Variants in ATP13A3 observed in about 807,000 individuals in gnomAD.
The protein encoded by ATP13A3 is polyamine-transporting ATPase 13A3.
Under a neutral mutation model 158.1 loss-of-function variants are expected in ATP13A3, and 59 were observed. The observed-to-expected ratio is 0.37, with a 90% CI of 0.30 to 0.46. The LOEUF (loss-of-function observed/expected upper bound fraction) is 0.46, where lower values mean the gene tolerates loss of function less well. Ranked by LOEUF, ATP13A3 falls within the 20% of genes least tolerant of loss-of-function variation. The pLI is 1.00. For missense variants in ATP13A3, 1,166 were observed against 1,525.2 expected (o/e 0.76, Z 3.92); for synonymous variants, 491 against 504.3 (o/e 0.97, Z 0.35).
chr3:194,406,028 G>T lies in ATP13A3; in HGVS notation c.3662C>A (p.Ala1221Glu), dbSNP rs773710020. Reference protein sequence around the residue: ...KTPKAKYMYLAQELLVDPEWP... With the variant: ...KTPKAKYMYLEQELLVDPEWP... ...TTCTGGATCAACCAAGAGCTCCTGC[G>T]CCAGATACATGTACTTTGCCTTTGG... The change falls in exon 34 of 34, where the codon GCG becomes GAG. Residue 1221 changes from alanine to glutamate, a missense_variant. By Grantham distance (107) the Ala-to-Glu change is moderately radical. This residue lies in a region of ATP13A3 where 997 missense variants were observed against 1,341.2 expected (regional missense o/e 0.74). Coordinates refer to ENST00000645319, the MANE Select transcript of ATP13A3 (RefSeq NM_001367549.1). 2 of 1,614,008 alleles carry T rather than the reference G, an allele frequency of 1.2e-6. No individual in the cohort carries two copies. The highest frequency in any genetic ancestry group is 8.5e-7 in the Non-Finnish European group (1 of 1,180,028).
intron 10 of ATP13A3, chr3:194,450,557 C>T (rs1477141611): frequency 2.8e-6 from 1 of 354,016 alleles, no homozygotes; most frequent in Non-Finnish European, 5.4e-6. Flanking sequence ...TCATGACAAC[C>T]GTCCATGATA....
At chr3:194,436,961 C>T (rs1292462282) in intron 20 of ATP13A3, 134 bp downstream of exon 20, 3 of 1,183,670 alleles carry the variant, frequency 2.5e-6, no homozygotes, top group Non-Finnish European at 3.5e-6. Flanking sequence ...TTACTTCAAT[C>T]ACCTAAAACA....
In ATP13A3 at chr3:194,412,183, A is replaced by G; in HGVS notation, c.3573+16T>C. ...AGAGAGGCAGCAAGAATTGACAGGA[A>G]GTGCTGAGTTCCAACCTGCGGTGGC... On this transcript the variant is annotated intron_variant, in intron 33 of 33. Coordinates refer to ENST00000645319, the MANE Select transcript of ATP13A3 (RefSeq NM_001367549.1). 1 of 1,531,872 alleles carries G rather than the reference A, an allele frequency of 6.5e-7. No individual in the cohort carries two copies. Among genetic ancestry groups the G allele is most frequent in the Non-Finnish European group, 8.7e-7 (1 of 1,142,948 alleles). The allele number at this position is 1,531,872 out of a possible 1,614,324, so 94.9% of individuals were successfully genotyped here.
At chr3:194,458,135 G>GA (rs1340372231) in intron 6 of ATP13A3, among the ~76,000 whole-genome samples, 1 of 152,126 alleles carries the variant, frequency 6.6e-6, no homozygotes, top group African/African-American at 2.4e-5. Flanking sequence ...CTAAAGCAAA[G>GA]AAAGTCTTAC....
In ATP13A3 at chr3:194,470,654, G is replaced by A. The variant is rs146312331; in HGVS notation, c.-46-8418C>T. 9.2e-5 allele frequency among the ~76,000 whole-genome samples: 14 copies of A among 152,208 alleles called. No individual in the cohort carries two copies. The East Asian group carries it at 1.5e-3, about 17-fold the overall frequency. Reference sequence around the variant, plus strand: ...TTGCATTCTCAAAATGTCCACTTACGTCACTGAGAGATTTTCTATTTCAAT... The same window carrying A: ...TTGCATTCTCAAAATGTCCACTTACATCACTGAGAGATTTTCTATTTCAAT... On this transcript the variant is annotated intron_variant, in intron 2 of 33. Coordinates refer to ENST00000645319, the MANE Select transcript of ATP13A3 (RefSeq NM_001367549.1).
At chr3:194,470,743 CTT>C (rs1344670228) in intron 2 of ATP13A3, among the ~76,000 whole-genome samples, 1 of 152,102 alleles carries the variant, frequency 6.6e-6, no homozygotes, top group African/African-American at 2.4e-5. Flanking sequence ...AAGTATGTAA[CTT>C]TTTAAAATTC....
intron 2 of ATP13A3, among the ~76,000 whole-genome samples, chr3:194,465,138 T>C (rs1445260318): frequency 6.6e-6 from 1 of 151,924 alleles, no homozygotes; most frequent in African/African-American, 2.4e-5. Context: ...AACTGATAAT[T>C]GAGAGATTAA....
chr3:194,421,280 A>G (rs557217828), intron 30 of ATP13A3, among the ~76,000 whole-genome samples: 5 of 144,908 alleles, frequency 3.5e-5, no homozygotes, highest in Admixed American at 2.1e-4. Context: ...GGGGCTGGGC[A>G]CGGTGGCTCA....
In ATP13A3 at chr3:194,429,487, G is replaced by A. The variant is rs117832879; in HGVS notation, c.2874+191C>T. On this transcript the variant is annotated intron_variant, in intron 27 of 33. Coordinates refer to ENST00000645319, the MANE Select transcript of ATP13A3 (RefSeq NM_001367549.1). ...CATTCTCCAAATTCAACAAACCACTGTTGAAACATCTTTTCTCATTTTAAC... is the reference window on the plus strand; with the variant it reads ...CATTCTCCAAATTCAACAAACCACTATTGAAACATCTTTTCTCATTTTAAC... Among the ~76,000 whole-genome samples, 175 of 152,246 alleles carry A rather than the reference G, an allele frequency of 1.1e-3. 1 individual carries two copies. The East Asian group carries it at 0.03, about 26-fold the overall frequency.
At chr3:194,456,943 C>G in intron 7 of ATP13A3, 151 bp downstream of exon 7, 1 of 471,334 alleles carries the variant, frequency 2.1e-6, no homozygotes, top group Non-Finnish European at 3.8e-6. Context: ...GACAGTCTTA[C>G]CCAAATAAAA....
chr3:194,455,332 C>T (rs1333796626), intron 8 of ATP13A3, among the ~76,000 whole-genome samples: 2 of 152,248 alleles, frequency 1.3e-5, no homozygotes, highest in South Asian at 2.1e-4. Flanking sequence ...CAAATTGATG[C>T]TTCTGTACTT....
intron 10 of ATP13A3, chr3:194,450,995 T>C (rs1225881597): frequency 1.3e-5 from 2 of 152,240 alleles, no homozygotes; most frequent in Non-Finnish European, 2.9e-5. Flanking sequence ...GGTCACCTTA[T>C]ATGTAGGTAT....
chr3:194,473,032 T>C (rs1445003163), intron 2 of ATP13A3, among the ~76,000 whole-genome samples: 21 of 152,152 alleles, frequency 1.4e-4, no homozygotes, highest in Admixed American at 1.0e-3. Flanking sequence ...AGGGTACCTA[T>C]TGGGTACTCT....
At chr3:194,406,814 T>C (rs1367405887) in intron 33 of ATP13A3, among the ~76,000 whole-genome samples, 1 of 152,182 alleles carries the variant, frequency 6.6e-6, no homozygotes. Flanking sequence ...TCATGTTTAA[T>C]GTCAATTACG....
At chr3:194,492,388 C>T (rs1257562270) in intron 2 of ATP13A3, among the ~76,000 whole-genome samples, 2 of 152,042 alleles carry the variant, frequency 1.3e-5, no homozygotes, top group Non-Finnish European at 2.9e-5. Context: ...ATACCAAAAT[C>T]CAAAAATACT....
In ATP13A3 at chr3:194,456,030, T is replaced by C. The variant is rs1029494351; in HGVS notation, c.561-68A>G. 3 of 992,382 alleles carry C rather than the reference T, an allele frequency of 3.0e-6. No homozygotes were observed. In the African/African-American group the frequency reaches 5.1e-5, roughly 17 times the overall value. The allele number at this position is 992,382 out of a possible 1,614,324, so 61.5% of individuals were successfully genotyped here. A position where few individuals can be genotyped will look rare whatever the true frequency, so the allele number is the denominator to read the frequency against. On this transcript the variant is annotated intron_variant, in intron 7 of 33. Transcript: ENST00000645319. Reference sequence around the variant, plus strand: ...ATAGTATAATTTACGAAAGGCATTGTATTAGGTAAGGCTTAAACCACAGAC... The same window carrying C: ...ATAGTATAATTTACGAAAGGCATTGCATTAGGTAAGGCTTAAACCACAGAC...
intron 2 of ATP13A3, among the ~76,000 whole-genome samples, chr3:194,470,573 CTCTT>C (rs1402673943): frequency 6.6e-6 from 1 of 152,044 alleles, no homozygotes; most frequent in African/African-American, 2.4e-5. Context: ...ATTTTACTCT[CTCTT>C]TATAAAAAAA....
At chr3:194,426,994 A>C (rs1716826999) in intron 29 of ATP13A3, 81 bp downstream of exon 29, 19 of 1,478,576 alleles carry the variant, frequency 1.3e-5, no homozygotes, top group Admixed American at 4.5e-5. Flanking sequence ...ACAAACTTTT[A>C]TATTAACTTC....
chr3:194,447,455 C>T (rs1190051810), intron 13 of ATP13A3, among the ~76,000 whole-genome samples: 1 of 152,132 alleles, frequency 6.6e-6, no homozygotes, highest in Non-Finnish European at 1.5e-5. Context: ...TACCACTCTC[C>T]ACTTCTGACA....
Sources: gnomAD v4.1 joint callset for allele counts (sites outside exome capture counted in the v4.1 genomes callset) on GRCh38, gnomAD v4.1.1 for gene constraint, gnomAD v4.1.1 regional missense constraint, MANE v1.5 for transcripts, NCBI Gene and HGNC (gene_info 2026-07-23, HGNC 2026-07-21) for gene names.